MS4A4A: variants seen among roughly 807,000 people sequenced by gnomAD.
The protein encoded by MS4A4A is membrane-spanning 4-domains subfamily A member 4A.
MS4A4A carries 26 observed loss-of-function variants against 28.0 expected under a neutral mutation model. The observed-to-expected ratio is 0.93, with a 90% confidence interval of 0.68 to 1.29. The LOEUF is 1.29. Among genes scored for constraint, MS4A4A ranks in the 50% most tolerant of loss-of-function variants. The probability of loss-of-function intolerance (pLI) is 0.00; values close to 1 mark genes in which losing one functional copy is unlikely to be tolerated. For synonymous variants in MS4A4A, 86 were observed against 100.8 expected, an observed-to-expected ratio of 0.85 and a Z score of 0.88; for missense variants, 290 against 293.1, an observed-to-expected ratio of 0.99 and a Z score of 0.08.
At chr11:60,291,144 G>A (rs911605583) in intron 1 of MS4A4A, among the ~76,000 whole-genome samples, 1 of 152,162 alleles carries the variant, frequency 6.6e-6, no homozygotes, top group Admixed American at 6.5e-5. Flanking sequence ...CTTGGTTGGA[G>A]TTATTATACT....
At position 60,288,382 on chromosome 11, in the gene MS4A4A, G is replaced by C. The variant is rs142296478; in HGVS notation, c.42-3843G>C. Among the ~76,000 whole-genome samples, 996 of 152,302 alleles carry C rather than the reference G, an allele frequency of 6.5e-3. 10 individuals carry two copies. Among genetic ancestry groups the C allele is most frequent in the South Asian group, 0.018 (86 of 4,820 alleles). On this transcript the variant is annotated intron_variant, in intron 1 of 6. Coordinates refer to ENST00000337908, the MANE Select transcript of MS4A4A (RefSeq NM_148975.3). Reference sequence around the variant, plus strand: ...AGTCTTGCAAAACTACTGTGGCACAGGTTCACTCACCAAGGCATGGATGGA... The same window carrying C: ...AGTCTTGCAAAACTACTGTGGCACACGTTCACTCACCAAGGCATGGATGGA...
intron 2 of MS4A4A, among the ~76,000 whole-genome samples, chr11:60,294,942 T>TTCTTCTTCTTCTTCA (rs2135021851): frequency 7.8e-6 from 1 of 128,368 alleles, no homozygotes; most frequent in South Asian, 2.4e-4. Context: ...CTTCTTCTTC[T>TTCTTCTTCTTCTTCA]TCTTCTTCTA....
At chr11:60,291,310 A>C (rs895854728) in intron 1 of MS4A4A, among the ~76,000 whole-genome samples, 3 of 152,212 alleles carry the variant, frequency 2.0e-5, no homozygotes, top group South Asian at 4.1e-4. Flanking sequence ...ACTGAGAGCC[A>C]TAAGTTTCAT....
intron 1 of MS4A4A, among the ~76,000 whole-genome samples, chr11:60,286,972 T>A (rs1356014143): frequency 6.6e-6 from 1 of 152,362 alleles, no homozygotes; most frequent in Non-Finnish European, 1.5e-5. Flanking sequence ...CTGGTCTACC[T>A]TTGTGATTTA....
At chr11:60,292,448 C>A (rs2084866057) in intron 2 of MS4A4A, 64 bp downstream of exon 2, 2 of 1,456,912 alleles carry the variant, frequency 1.4e-6, no homozygotes, top group Non-Finnish European at 1.8e-6. Context: ...AGACCTAATG[C>A]CAAATACACT....
intron 5 of MS4A4A, chr11:60,305,841 G>A: frequency 2.4e-6 from 1 of 419,102 alleles, no homozygotes; most frequent in Non-Finnish European, 4.3e-6. Context: ...ACTTTTTAAA[G>A]CACTTTCATC....
chr11:60,298,496 T>G (rs916401656), intron 3 of MS4A4A, among the ~76,000 whole-genome samples: 1 of 152,256 alleles, frequency 6.6e-6, no homozygotes, highest in Non-Finnish European at 1.5e-5. Flanking sequence ...GTGCTTTATA[T>G]GTGCAATTTC....
At chr11:60,283,001 TGG>T (rs1291635056) in intron 1 of MS4A4A, among the ~76,000 whole-genome samples, 1 of 152,122 alleles carries the variant, frequency 6.6e-6, no homozygotes, top group East Asian at 1.9e-4. Context: ...CTTGAGAAGA[TGG>T]GAGAAATACA....
chr11:60,301,253 G>C (rs143864976), intron 4 of MS4A4A, among the ~76,000 whole-genome samples, 196 bp downstream of exon 4: 8 of 152,134 alleles, frequency 5.3e-5, no homozygotes, highest in African/African-American at 1.9e-4. Context: ...ATTTTGGCAA[G>C]GTAGGGAATC....
chr11:60,304,011 A>T (rs980983132), intron 5 of MS4A4A, among the ~76,000 whole-genome samples: 4 of 152,272 alleles, frequency 2.6e-5, no homozygotes, highest in Non-Finnish European at 5.9e-5. Flanking sequence ...ATTGCTTTTT[A>T]TAGTAAGCAA....
chr11:60,282,545 T>C (rs1590748184), intron 1 of MS4A4A: 8 of 1,271,576 alleles, frequency 6.3e-6, no homozygotes, highest in Non-Finnish European at 6.1e-6. Flanking sequence ...ATGCTGTTCA[T>C]GTGTGAGAAG....
At chr11:60,305,329 A>G (rs776017233) in intron 5 of MS4A4A, among the ~76,000 whole-genome samples, 5 of 152,204 alleles carry the variant, frequency 3.3e-5, no homozygotes, top group Non-Finnish European at 7.3e-5. Context: ...ATGTTTCTGG[A>G]GGTTAGAAGT....
At chr11:60,300,582 C>G (rs932376812) in intron 3 of MS4A4A, among the ~76,000 whole-genome samples, 1 of 138,332 alleles carries the variant, frequency 7.2e-6, no homozygotes, top group Non-Finnish European at 1.5e-5. Flanking sequence ...CCCCACTGCA[C>G]TCCAGCCTGG....
chr11:60,281,251 T>A (rs999175960), intron 1 of MS4A4A, among the ~76,000 whole-genome samples: 8 of 152,152 alleles, frequency 5.3e-5, no homozygotes, highest in African/African-American at 1.9e-4. Context: ...GCACTATTCA[T>A]GGGGCACCCA....
Position 60,302,595 on chromosome 11 carries a change from G to C in MS4A4A, c.424G>C (p.Val142Leu). ...GSLGMNITSS[V>L]LAASGILINT... ...TCTAGGAATGAATATCACCAGCTCT[G>C]TACTGGCTGCATCAGGGATCTTAAT... The change falls in exon 5 of 7, where the codon GTA becomes CTA. Residue 142 changes from valine to leucine, a missense_variant. Coordinates refer to ENST00000337908, the MANE Select transcript of MS4A4A (RefSeq NM_148975.3). 6.2e-7 allele frequency: 1 copy of C among 1,614,160 alleles called. No individual in the cohort carries two copies. Among genetic ancestry groups the C allele is most frequent in the Non-Finnish European group, 8.5e-7 (1 of 1,180,028 alleles).
intron 2 of MS4A4A, among the ~76,000 whole-genome samples, chr11:60,293,318 A>C (rs2084874315): frequency 6.6e-6 from 1 of 152,124 alleles, no homozygotes; most frequent in Non-Finnish European, 1.5e-5. Context: ...AGCCTCCCAA[A>C]GTGGGTTTAT....
chr11:60,282,176 A>G (rs1371495091), intron 1 of MS4A4A, among the ~76,000 whole-genome samples: 1 of 152,206 alleles, frequency 6.6e-6, no homozygotes, highest in Admixed American at 6.5e-5. Flanking sequence ...TTATTTTGAT[A>G]TAATTGCTCT....
At chr11:60,307,479 T>C (rs1339873673) in intron 6 of MS4A4A, among the ~76,000 whole-genome samples, 2 of 152,196 alleles carry the variant, frequency 1.3e-5, no homozygotes, top group African/African-American at 4.8e-5. Flanking sequence ...GCAAACTCTT[T>C]CGTAAGTTTC....
chr11:60,282,949 G>A (rs1355797932), intron 1 of MS4A4A, among the ~76,000 whole-genome samples: 1 of 152,022 alleles, frequency 6.6e-6, no homozygotes, highest in Non-Finnish European at 1.5e-5. Context: ...ACATTCAGAG[G>A]CTATAATGAA....
Sources: gnomAD v4.1 joint callset for allele counts (sites outside exome capture counted in the v4.1 genomes callset) on GRCh38, gnomAD v4.1.1 for gene constraint, MANE v1.5 for transcripts, NCBI Gene and HGNC (gene_info 2026-07-23, HGNC 2026-07-21) for gene names.